PPP2R5B: variants seen among roughly 807,000 people sequenced by gnomAD.
The protein encoded by PPP2R5B is serine/threonine-protein phosphatase 2A 56 kDa regulatory subunit beta isoform.
A neutral mutation model predicts 59.9 loss-of-function variants in PPP2R5B; 19 were observed. The ratio of observed to expected loss-of-function variants is 0.32; its 90% CI spans 0.22 to 0.47. The LOEUF (loss-of-function observed/expected upper bound fraction) is 0.47, where lower values mean the gene tolerates loss of function less well. Ranked by LOEUF, PPP2R5B falls within the 20% of genes least tolerant of loss-of-function variation. PPP2R5B has a pLI of 1.00. For missense variants in PPP2R5B, 441 were observed against 640.2 expected, an observed-to-expected ratio of 0.69 and a Z score of 3.36; for synonymous variants, 286 against 260.5, an observed-to-expected ratio of 1.10 and a Z score of -0.94.
At chr11:64,929,918 T>C (rs754485257) in intron 6 of PPP2R5B, among the ~76,000 whole-genome samples, 6 of 152,184 alleles carry the variant, frequency 3.9e-5, no homozygotes, top group Non-Finnish European at 8.8e-5. Context: ...GTTCATTAGA[T>C]TCCCTGCCTA....
rs1441122122 is a variant in PPP2R5B at position 64,930,602 on chromosome 11, C to G, written c.891+13C>G. 3 of 1,606,402 alleles carry G rather than the reference C, an allele frequency of 1.9e-6. No individual in the cohort carries two copies. Among genetic ancestry groups the G allele is most frequent in the Non-Finnish European group, 2.6e-6 (3 of 1,173,124 alleles). Reference sequence around the variant, plus strand: ...CTTCCATGCCCAGGTGAGGCCCAGGCCTGTCCCTGCTGCAGCAGGAGCTCC... The same window carrying G: ...CTTCCATGCCCAGGTGAGGCCCAGGGCTGTCCCTGCTGCAGCAGGAGCTCC... On this transcript the variant is annotated intron_variant, in intron 8 of 13. Coordinates refer to ENST00000164133, the MANE Select transcript of PPP2R5B (RefSeq NM_006244.4).
rs754105803 is a variant in PPP2R5B at position 64,926,743 on chromosome 11, G to A, written c.231G>A (p.Leu77=). Reference sequence around the variant, plus strand: ...CGGCTTCCGAGCTGCACGAGCTGCTGAGCCGGAAGCTGGCCCAGTGTGGGG... The same window carrying A: ...CGGCTTCCGAGCTGCACGAGCTGCTAAGCCGGAAGCTGGCCCAGTGTGGGG... ...DVPASELHEL[L]SRKLAQCGVM... Residue 77 remains leucine (L), a synonymous_variant, in exon 3 of 14, where the codon CTG becomes CTA. Transcript: ENST00000164133. 2 of 1,614,190 alleles carry A rather than the reference G, an allele frequency of 1.2e-6. No homozygotes were observed. Among genetic ancestry groups the A allele is most frequent in the Non-Finnish European group, 1.7e-6 (2 of 1,180,024 alleles).
chr11:64,923,293 C>T (rs1945126561), upstream of PPP2R5B, among the ~76,000 whole-genome samples: 1 of 152,334 alleles, frequency 6.6e-6, no homozygotes, highest in South Asian at 2.1e-4. Flanking sequence ...CTGGGCAAGG[C>T]GCTTCTCCTC....
chr11:64,925,950 C>A lies in PPP2R5B; in HGVS notation c.199+17C>A. The A allele has an allele frequency of 1.2e-6, 2 of 1,606,996 alleles. No individual in the cohort carries two copies. The highest frequency in any genetic ancestry group is 1.7e-6 in the Non-Finnish European group (2 of 1,177,852). On this transcript the variant is annotated intron_variant, in intron 2 of 13. Transcript: ENST00000164133. This position sits in a 1 kb window ranked among gnomAD's most constrained non-coding sequence, Gnocchi z 4.6. ...TGCTCAAAGGTGAGCTGGCTGCTGGCCACTGGGGGAACCGAACCCCCGAGG... is the reference window on the plus strand; with the variant it reads ...TGCTCAAAGGTGAGCTGGCTGCTGGACACTGGGGGAACCGAACCCCCGAGG...
rs561074218 is a variant in PPP2R5B, at chr11:64,933,233, C to A, written c.1333C>A (p.Leu445Met). The stretch of plus-strand genomic sequence containing the variant: ...TGATGAGCTCACAGCCTCCTACAAG[C>A]TGGAAAAGCAGCAGTGAGTGTTGGG... ...LFDELTASYKLEKQQEQQKAQ... is the reference protein window; with the variant it reads ...LFDELTASYKMEKQQEQQKAQ... The change falls in exon 13 of 14, where the codon CTG becomes ATG. Residue 445 changes from leucine to methionine, a missense_variant. This residue lies in a region of PPP2R5B where 268 missense variants were observed against 488.1 expected (regional missense o/e 0.55). Transcript: ENST00000164133. The A allele has an allele frequency of 6.2e-7, 1 of 1,609,506 alleles. No homozygotes were observed. Among genetic ancestry groups the A allele is most frequent in the South Asian group, 1.1e-5 (1 of 90,958 alleles).
intron 2 of PPP2R5B, 79 bp from the exon 3 acceptor site, chr11:64,926,633 T>A: frequency 6.7e-7 from 1 of 1,501,518 alleles, no homozygotes; most frequent in South Asian, 1.2e-5. Context: ...GCCGTGGAGA[T>A]TAGGAGGGTC....
Position 64,925,982 on chromosome 11 carries a change from G to C in PPP2R5B, c.199+49G>C. On this transcript the variant is annotated intron_variant, in intron 2 of 13. Transcript: ENST00000164133. The surrounding 1 kb of genome is among the most constrained non-coding windows in gnomAD (Gnocchi z 4.6). ...GGGAACCGAACCCCCGAGGGGACCA[G>C]CAGGGCCATGGGGAGGGGTGGGAGG... 6.4e-7 allele frequency: 1 copy of C among 1,562,064 alleles called. No homozygotes were observed. The highest frequency in any genetic ancestry group is 8.7e-7 in the Non-Finnish European group (1 of 1,147,078).
intron 1 of PPP2R5B, among the ~76,000 whole-genome samples, chr11:64,917,866 G>A (rs937867822): frequency 3.3e-5 from 5 of 152,146 alleles, no homozygotes; most frequent in African/African-American, 1.2e-4. Context: ...ATGCTCAGAG[G>A]GAGATTAACT....
chr11:64,932,959 C>A lies in PPP2R5B; in HGVS notation c.1244+67C>A, dbSNP rs1590681354. ...AGGGCCAGCCAGTCCAGACCCGACC[C>A]CAGGGTTACTCCTAGCTGGAGAATA... On this transcript the variant is annotated intron_variant, in intron 12 of 13. Coordinates refer to ENST00000164133, the MANE Select transcript of PPP2R5B (RefSeq NM_006244.4). The A allele has an allele frequency of 1.6e-5, 25 of 1,592,930 alleles. No homozygotes were observed. The East Asian group carries it at 5.1e-4, about 33-fold the overall frequency.
At position 64,933,984 on chromosome 11, in the gene PPP2R5B, T is replaced by C; in HGVS notation, c.*140T>C. On this transcript the variant is annotated 3_prime_UTR_variant, in exon 14 of 14. Transcript: ENST00000164133. Reference sequence around the variant, plus strand: ...CTGAGGACTCCCTGCCCAGCCCAGCTTTCACTGGGGGGAGACGAGGAGAGG... The same window carrying C: ...CTGAGGACTCCCTGCCCAGCCCAGCCTTCACTGGGGGGAGACGAGGAGAGG... The C allele has an allele frequency of 9.4e-7, 1 of 1,068,152 alleles. No individual in the cohort carries two copies. Among genetic ancestry groups the C allele is most frequent in the Non-Finnish European group, 1.3e-6 (1 of 794,798 alleles). The allele number at this position is 1,068,152 out of a possible 1,614,324, so 66.2% of individuals were successfully genotyped here.
upstream of PPP2R5B, among the ~76,000 whole-genome samples, chr11:64,920,439 A>G (rs1280703890): frequency 1.3e-5 from 2 of 152,220 alleles, no homozygotes; most frequent in African/African-American, 4.8e-5. Context: ...ATACTTCCCC[A>G]GACAAGCTCT....
In PPP2R5B at chr11:64,933,405, G is replaced by C. The variant is rs1017863180; in HGVS notation, c.1346+159G>C. ...ATCCTATGCCTGACTGTCTGCCCCT[G>C]TATCCTCCCGTCATTCTTCGAGTAG... is the stretch of plus-strand genomic sequence containing the variant. On this transcript the variant is annotated intron_variant, in intron 13 of 13. Coordinates refer to ENST00000164133, the MANE Select transcript of PPP2R5B (RefSeq NM_006244.4). 3.9e-5 allele frequency among the ~76,000 whole-genome samples: 6 copies of C among 152,226 alleles called. No homozygotes were observed. In the East Asian group the frequency reaches 1.2e-3, roughly 29 times the overall value.
rs752753102 is a variant in PPP2R5B, at chr11:64,933,824, G to C, written c.1474G>C (p.Ala492Pro). ...PLQRLTPQVAASGGQS is the reference protein window; with the variant it reads ...PLQRLTPQVAPSGGQS ...CCAGCGGCTTACACCCCAGGTGGCC[G>C]CCAGTGGGGGTCAGAGCTAGACAGC... The change falls in exon 14 of 14, where the codon GCC becomes CCC. Residue 492 changes from alanine to proline, a missense_variant. Around this residue, in one of 3 missense-constraint regions of PPP2R5B, gnomAD observed 70 missense variants for 64.2 expected, o/e 1.09. Coordinates refer to ENST00000164133, the MANE Select transcript of PPP2R5B (RefSeq NM_006244.4). The C allele has an allele frequency of 4.5e-6, 7 of 1,547,596 alleles. No individual in the cohort carries two copies. Among genetic ancestry groups the C allele is most frequent in the Non-Finnish European group, 6.1e-6 (7 of 1,146,170 alleles).
At chr11:64,922,192 A>AAAAAAAT (rs1945115680), upstream of PPP2R5B, among the ~76,000 whole-genome samples, 1 of 150,994 alleles carries the variant, frequency 6.6e-6, no homozygotes. Context: ...AAAAATAAAA[A>AAAAAAAT]AATAAAATAA....
chr11:64,928,909 A>G (rs1945199719), intron 6 of PPP2R5B, among the ~76,000 whole-genome samples: 1 of 151,770 alleles, frequency 6.6e-6, no homozygotes, highest in Non-Finnish European at 1.5e-5. Flanking sequence ...TGGAGTTTAC[A>G]GTGAGCCGAG....
chr11:64,925,624 C>CCA lies in PPP2R5B; in HGVS notation c.-111_-110insCA, dbSNP rs1554968353. 5 of 563,440 alleles carry CCA rather than the reference C, an allele frequency of 8.9e-6. No homozygotes were observed. The highest frequency in any genetic ancestry group is 2.0e-5 in the South Asian group (1 of 48,874). 34.9% of individuals were successfully genotyped at this position (563,440 alleles called of 1,614,324 possible). ...CAGGACTGTGGTTGTGCCCCCCCCC[C>CCA]AAAGGCCGGACAGGATGGGACCAAG... On this transcript the variant is annotated 5_prime_UTR_variant, in exon 2 of 14. Coordinates refer to ENST00000164133, the MANE Select transcript of PPP2R5B (RefSeq NM_006244.4). This position sits in a 1 kb window ranked among gnomAD's most constrained non-coding sequence, Gnocchi z 4.6.
At chr11:64,920,943 C>CTCTATATA (rs1554967934), upstream of PPP2R5B, among the ~76,000 whole-genome samples, 1 of 134,930 alleles carries the variant, frequency 7.4e-6, no homozygotes, top group African/African-American at 2.7e-5. Context: ...TCCAGCAGTT[C>CTCTATATA]TATATATATA....
At chr11:64,927,452 AT>A (rs1945180421) in intron 3 of PPP2R5B, among the ~76,000 whole-genome samples, 1 of 152,214 alleles carries the variant, frequency 6.6e-6, no homozygotes, top group Non-Finnish European at 1.5e-5. Flanking sequence ...AGCAGCTCTC[AT>A]CTGTAATCCC....
chr11:64,933,266 C>A lies in PPP2R5B; in HGVS notation c.1346+20C>A. The A allele has an allele frequency of 6.4e-7, 1 of 1,573,350 alleles. No homozygotes were observed. The highest frequency in any genetic ancestry group is 8.7e-7 in the Non-Finnish European group (1 of 1,143,870). On this transcript the variant is annotated intron_variant, in intron 13 of 13. Transcript: ENST00000164133. ...GCAGCAGTGAGTGTTGGGGGCTGGG[C>A]GTGGGGGAAGGGAGAAGAGCAGGGA... is the stretch of plus-strand genomic sequence containing the variant.
Sources: gnomAD v4.1 joint callset for allele counts (sites outside exome capture counted in the v4.1 genomes callset) on GRCh38, gnomAD v4.1.1 for gene constraint, gnomAD v4.1.1 regional missense constraint, Gnocchi (gnomAD v3.1) non-coding constraint, MANE v1.5 for transcripts, NCBI Gene and HGNC (gene_info 2026-07-23, HGNC 2026-07-21) for gene names.